Variants in EXOC5 observed in about 807,000 individuals in gnomAD.
EXOC5 encodes exocyst complex component 5.
Under a neutral mutation model 90.8 loss-of-function variants are expected in EXOC5, and 17 were observed. The ratio of observed to expected loss-of-function variants is 0.19; its 90% confidence interval spans 0.13 to 0.28. The LOEUF (loss-of-function observed/expected upper bound fraction) is 0.28, where lower values mean the gene tolerates loss of function less well. EXOC5 is among the 10% of genes least tolerant of loss of function. The probability of loss-of-function intolerance (pLI) is 1.00; values close to 1 mark genes in which losing one functional copy is unlikely to be tolerated. For missense variants in EXOC5, 569 were observed against 830.6 expected (o/e 0.69, Z 3.87); for synonymous variants, 260 against 270.0 (o/e 0.96, Z 0.36).
intron 15 of EXOC5, among the ~76,000 whole-genome samples, chr14:57,214,373 G>A (rs769133627): frequency 5.9e-5 from 9 of 152,126 alleles, no homozygotes; most frequent in Non-Finnish European, 1.0e-4. Context: ...TTTTCCACTT[G>A]TAGGGTAATG....
At chr14:57,248,650 C>A (rs1332574188) in intron 1 of EXOC5, among the ~76,000 whole-genome samples, 1 of 152,018 alleles carries the variant, frequency 6.6e-6, no homozygotes, top group Non-Finnish European at 1.5e-5. Flanking sequence ...TTTCATACTA[C>A]CCTCTTTCAT....
At position 57,222,295 on chromosome 14, in the gene EXOC5, C is replaced by T. The variant is rs138338053; in HGVS notation, c.1405+13G>A. 2.1e-4 allele frequency: 272 copies of T among 1,315,758 alleles called. 1 individual carries two copies. In the African/African-American group the frequency reaches 3.6e-3, roughly 18 times the overall value. 81.5% of individuals were successfully genotyped at this position (1,315,758 alleles called of 1,614,324 possible). ...AAAAGAATTTAACACAAGTGTAACA[C>T]AAATATACTTACCAGCAAGTCCTGT... is the stretch of plus-strand genomic sequence containing the variant. On this transcript the variant is annotated intron_variant, in intron 13 of 17. Transcript: ENST00000621441.
rs1032341740 is a variant in EXOC5 at position 57,206,351 on chromosome 14, T to C, written c.*2258A>G. On this transcript the variant is annotated 3_prime_UTR_variant, in exon 18 of 18. Coordinates refer to ENST00000621441, the MANE Select transcript of EXOC5 (RefSeq NM_006544.4). ...TATGAAAACACTTAAAAAATCAGAA[T>C]ACAAAGAATGCATATTGCCTCACAT... The C allele has an allele frequency of 6.1e-6, 1 of 164,464 alleles. No individual in the cohort carries two copies. Among genetic ancestry groups the C allele is most frequent in the African/African-American group, 2.4e-5 (1 of 41,140 alleles). The allele number at this position is 164,464 out of a possible 1,614,324, so 10.2% of individuals were successfully genotyped here. A position where few individuals can be genotyped will look rare whatever the true frequency, so the allele number is the denominator to read the frequency against.
intron 10 of EXOC5, 77 bp from the exon 11 acceptor site, chr14:57,231,792 TACA>T (rs1883494529): frequency 1.0e-6 from 1 of 981,182 alleles, no homozygotes. Flanking sequence ...TACAAATTTT[TACA>T]ACGTGACTTT....
Position 57,253,949 on chromosome 14 carries a change from T to C in EXOC5, c.28-6237A>G, listed in dbSNP as rs1234239991. On this transcript the variant is annotated intron_variant, in intron 1 of 17. Coordinates refer to ENST00000621441, the MANE Select transcript of EXOC5 (RefSeq NM_006544.4). ...GATACTGGATTTGGCAATGATTTCT[T>C]GAATATGATACCAAAGCACAGGCAA... Among the ~76,000 whole-genome samples the C allele has an allele frequency of 2.0e-5, 3 of 152,108 alleles. No individual in the cohort carries two copies. In the East Asian group the frequency reaches 5.8e-4, roughly 29 times the overall value.
rs1197887450 is a variant in EXOC5, at chr14:57,205,841, A to G, written c.*2768T>C. On this transcript the variant is annotated 3_prime_UTR_variant, in exon 18 of 18. Coordinates refer to ENST00000621441, the MANE Select transcript of EXOC5 (RefSeq NM_006544.4). The stretch of plus-strand genomic sequence containing the variant: ...CTTTGATAGTTTTTTAAAACAAGGA[A>G]GATCCTAAGGACTTGCAACTATGGC... 2.2e-6 allele frequency: 1 copy of G among 447,880 alleles called. No homozygotes were observed. The highest frequency in any genetic ancestry group is 4.4e-6 in the Non-Finnish European group (1 of 224,882). 27.7% of individuals were successfully genotyped at this position (447,880 alleles called of 1,614,324 possible). A position where few individuals can be genotyped will look rare whatever the true frequency, so the allele number is the denominator to read the frequency against.
chr14:57,232,493 G>T (rs927425402), intron 10 of EXOC5, 174 bp downstream of exon 10: 1 of 377,134 alleles, frequency 2.7e-6, no homozygotes, highest in Non-Finnish European at 4.7e-6. Flanking sequence ...AATGTATTAA[G>T]AATGTTGTAC....
chr14:57,251,485 G>A (rs931879801), intron 1 of EXOC5, among the ~76,000 whole-genome samples: 6 of 152,134 alleles, frequency 3.9e-5, no homozygotes, highest in African/African-American at 1.4e-4. Context: ...AAATACTTAT[G>A]AATGAAAATA....
chr14:57,200,768 A>C lies in EXOC5; in HGVS notation c.*7841T>G, dbSNP rs1429030359. ...TTTGCTCACTACATTAAAAAAAAAA[A>C]AAAAAAACTTCCACCAAAAATATAG... On this transcript the variant is annotated 3_prime_UTR_variant, in exon 18 of 18. Transcript: ENST00000621441. The C allele has an allele frequency of 6.6e-6, 1 of 151,966 alleles. No individual in the cohort carries two copies. The highest frequency in any genetic ancestry group is 6.5e-5 in the Admixed American group (1 of 15,270). The allele number at this position is 151,966 out of a possible 1,614,324, so 9.4% of individuals were successfully genotyped here.
rs922524212 is a variant in EXOC5 at position 57,201,441 on chromosome 14, CGTGT to C, written c.*7164_*7167del. On this transcript the variant is annotated 3_prime_UTR_variant, in exon 18 of 18. Transcript: ENST00000621441. ...TAGTATATATATATACACACACACA[CGTGT>C]GTATATATACACACGCGTGTATATG... is the stretch of plus-strand genomic sequence containing the variant. 1 of 138,582 alleles carries C rather than the reference CGTGT, an allele frequency of 7.2e-6. No homozygotes were observed. Among genetic ancestry groups the C allele is most frequent in the East Asian group, 2.0e-4 (1 of 4,964 alleles). The allele number at this position is 138,582 out of a possible 1,614,324, so 8.6% of individuals were successfully genotyped here. A position where few individuals can be genotyped will look rare whatever the true frequency, so the allele number is the denominator to read the frequency against.
At chr14:57,233,960 T>C (rs1444222799) in intron 8 of EXOC5, 28 bp downstream of exon 8, 21 of 1,593,486 alleles carry the variant, frequency 1.3e-5, no homozygotes, top group Middle Eastern at 3.3e-4. Context: ...CATAAAATAA[T>C]ATCCAACAAA....
chr14:57,252,989 T>C (rs1182805168), intron 1 of EXOC5, among the ~76,000 whole-genome samples: 6 of 152,188 alleles, frequency 3.9e-5, no homozygotes, highest in Non-Finnish European at 7.4e-5. Context: ...TGCAAAAATA[T>C]GGATGAACCA....
chr14:57,244,173 A>ATG lies in EXOC5; in HGVS notation c.456_457insCA (p.Ser153HisfsTer5). On this transcript the variant is annotated frameshift_variant, in exon 4 of 18. Transcript: ENST00000621441. LOFTEE classifies it high-confidence loss of function. ...CCTCTGACAGCACTTACCTTTTCAG[A>ATG]ATTTGTAAAAACATCAGATTTCAAT... The ATG allele has an allele frequency of 6.2e-7, 1 of 1,612,064 alleles. No homozygotes were observed. The highest frequency in any genetic ancestry group is 8.5e-7 in the Non-Finnish European group (1 of 1,178,290).
At chr14:57,234,510 CGTGTGTGTGTGT>C (rs375548706) in intron 7 of EXOC5, among the ~76,000 whole-genome samples, 3 of 130,612 alleles carry the variant, frequency 2.3e-5, no homozygotes, top group African/African-American at 8.4e-5. Flanking sequence ...TGTATATATA[CGTGTGTGTGTGT>C]GTGTGTGTGT....
chr14:57,206,271 T>C lies in EXOC5; in HGVS notation c.*2338A>G, dbSNP rs369341461. The stretch of plus-strand genomic sequence containing the variant: ...TGCAAAACGAAAAACATTTTAGTTA[T>C]TGATCATCTCTTCTGAGCCATACAC... On this transcript the variant is annotated 3_prime_UTR_variant, in exon 18 of 18. Coordinates refer to ENST00000621441, the MANE Select transcript of EXOC5 (RefSeq NM_006544.4). 1.3e-4 allele frequency: 31 copies of C among 245,338 alleles called. No individual in the cohort carries two copies. In the East Asian group the frequency reaches 1.6e-3, roughly 12 times the overall value. 15.2% of individuals were successfully genotyped at this position (245,338 alleles called of 1,614,324 possible).
In EXOC5 at chr14:57,268,613, G is replaced by A. The variant is rs770792787; in HGVS notation, c.27+9C>T. On this transcript the variant is annotated intron_variant, in intron 1 of 17. Coordinates refer to ENST00000621441, the MANE Select transcript of EXOC5 (RefSeq NM_006544.4). ...GCCTGCCACTCCCTGTAGAGCCGCC[G>A]GGGCCCACCTCGAAGAGCTCGGCCG... The A allele has an allele frequency of 1.9e-6, 3 of 1,589,382 alleles. No individual in the cohort carries two copies. The highest frequency in any genetic ancestry group is 8.5e-7 in the Non-Finnish European group (1 of 1,173,218).
At chr14:57,254,829 T>A (rs1051681313) in intron 1 of EXOC5, among the ~76,000 whole-genome samples, 3 of 152,166 alleles carry the variant, frequency 2.0e-5, no homozygotes, top group Admixed American at 6.5e-5. Context: ...GCCTACAAGC[T>A]AAGAGAAGAG....
At chr14:57,222,116 A>G (rs1319081614) in intron 13 of EXOC5, among the ~76,000 whole-genome samples, 192 bp downstream of exon 13, 1 of 152,144 alleles carries the variant, frequency 6.6e-6, no homozygotes, top group East Asian at 1.9e-4. Context: ...TGCCATATGT[A>G]AACAATATGA....
chr14:57,235,142 C>G (rs563482912), intron 7 of EXOC5, among the ~76,000 whole-genome samples: 1 of 152,168 alleles, frequency 6.6e-6, no homozygotes, highest in Non-Finnish European at 1.5e-5. Context: ...GCTTCCCCTT[C>G]CCTAATCTGA....
Sources: gnomAD v4.1 joint callset for allele counts (sites outside exome capture counted in the v4.1 genomes callset) on GRCh38, gnomAD v4.1.1 for gene constraint, MANE v1.5 for transcripts, NCBI Gene and HGNC (gene_info 2026-07-23, HGNC 2026-07-21) for gene names.